The following GCSH variants were observed in gnomAD, a reference collection of about 807,000 sequenced individuals.
GCSH encodes glycine cleavage system protein H.
A neutral mutation model predicts 21.3 loss-of-function variants in GCSH; 15 were observed. The ratio of observed to expected loss-of-function variants is 0.70; its 90% confidence interval spans 0.47 to 1.08. The LOEUF (loss-of-function observed/expected upper bound fraction) is 1.08. Ranked by LOEUF, GCSH falls within the 50% of genes least tolerant of loss-of-function variation. The probability of loss-of-function intolerance (pLI) is 0.00; values close to 1 mark genes in which losing one functional copy is unlikely to be tolerated. For missense variants in GCSH, 179 were observed against 217.5 expected, an observed-to-expected ratio of 0.82 and a Z score of 1.11; for synonymous variants, 59 against 84.5, an observed-to-expected ratio of 0.70 and a Z score of 1.66.
intron 1 of GCSH, among the ~76,000 whole-genome samples, chr16:81,094,009 C>A (rs529176077): frequency 6.6e-6 from 1 of 151,966 alleles, no homozygotes; most frequent in African/African-American, 2.4e-5. Flanking sequence ...TCAAGTGATT[C>A]GGCCTCATCC....
At chr16:81,091,092 T>C (rs1217869675) in intron 1 of GCSH, 1 of 455,174 alleles carries the variant, frequency 2.2e-6, no homozygotes, top group Non-Finnish European at 4.4e-6. Context: ...ATGGCTCATA[T>C]AAGAAATGAT....
At chr16:81,094,916 A>T (rs2151774837) in intron 1 of GCSH, among the ~76,000 whole-genome samples, 1 of 152,110 alleles carries the variant, frequency 6.6e-6, no homozygotes. Flanking sequence ...AACGTGGCGA[A>T]ACCCTGTCTC....
At chr16:81,087,773 A>C in intron 2 of GCSH, 109 bp from the exon 3 acceptor site, 1 of 774,772 alleles carries the variant, frequency 1.3e-6, no homozygotes, top group Non-Finnish European at 2.2e-6. Flanking sequence ...TTTAGTATAT[A>C]TTTTATACTG....
chr16:81,091,401 C>T (rs947133752), intron 1 of GCSH: 1 of 231,582 alleles, frequency 4.3e-6, no homozygotes, highest in South Asian at 5.0e-5. Flanking sequence ...ACTCACTGGA[C>T]AGGTTCAGCC....
intron 1 of GCSH, chr16:81,091,331 A>T (rs1597168928): frequency 3.0e-6 from 1 of 335,312 alleles, no homozygotes; most frequent in African/African-American, 2.2e-5. Flanking sequence ...TTAAGATCAC[A>T]ACTCAACAGT....
At chr16:81,083,073 A>C (rs1280527794) in intron 4 of GCSH, 110 bp from the exon 5 acceptor site, 4 of 776,072 alleles carry the variant, frequency 5.2e-6, no homozygotes, top group African/African-American at 5.1e-5. Flanking sequence ...CTTTACAAAA[A>C]CCATACATTA....
Position 81,082,557 on chromosome 16 carries a change from A to C in GCSH, c.*309T>G, listed in dbSNP as rs2151765532. On this transcript the variant is annotated 3_prime_UTR_variant, in exon 5 of 5. Coordinates refer to ENST00000315467, the MANE Select transcript of GCSH (RefSeq NM_004483.5). ...GTTACAATATTATATAAGGCTTAAG[A>C]ATAACAATGTTATCTTTGAATTATG... The C allele has an allele frequency of 2.9e-6, 1 of 341,504 alleles. No homozygotes were observed. Among genetic ancestry groups the C allele is most frequent in the East Asian group, 7.4e-5 (1 of 13,446 alleles). The allele number at this position is 341,504 out of a possible 1,614,324, so 21.2% of individuals were successfully genotyped here. A position where few individuals can be genotyped will look rare whatever the true frequency, so the allele number is the denominator to read the frequency against.
At position 81,082,762 on chromosome 16, in the gene GCSH, G is replaced by A. The variant is rs556259799; in HGVS notation, c.*104C>T. On this transcript the variant is annotated 3_prime_UTR_variant, in exon 5 of 5. Coordinates refer to ENST00000315467, the MANE Select transcript of GCSH (RefSeq NM_004483.5). Reference sequence around the variant, plus strand: ...TAACAGTAGTTTTTTTTTCCCCATCGGTAATACTAAAAGTTTCTATTCTAA... The same window carrying A: ...TAACAGTAGTTTTTTTTTCCCCATCAGTAATACTAAAAGTTTCTATTCTAA... The A allele has an allele frequency of 1.7e-4, 110 of 658,862 alleles. 1 individual carries two copies. The highest frequency in any genetic ancestry group is 1.6e-3 in the African/African-American group (77 of 48,692). 40.8% of individuals were successfully genotyped at this position (658,862 alleles called of 1,614,324 possible). A position where few individuals can be genotyped will look rare whatever the true frequency, so the allele number is the denominator to read the frequency against.
At chr16:81,093,872 C>T (rs1455436794) in intron 1 of GCSH, among the ~76,000 whole-genome samples, 3 of 151,976 alleles carry the variant, frequency 2.0e-5, no homozygotes, top group Non-Finnish European at 2.9e-5. Flanking sequence ...ACCCTTGGCC[C>T]GACAGGAAGA....
intron 3 of GCSH, among the ~76,000 whole-genome samples, chr16:81,086,379 G>A (rs8177929): frequency 0.037 from 5,669 of 151,858 alleles, 281 homozygotes; most frequent in African/African-American, 0.12. Context: ...CCAAAACCTC[G>A]AAATAAATAA....
chr16:81,096,026 C>G (rs905200856), intron 1 of GCSH, 105 bp downstream of exon 1: 67 of 983,812 alleles, frequency 6.8e-5, no homozygotes, highest in Non-Finnish European at 8.3e-5. Flanking sequence ...CGCTCCGCCC[C>G]GGTGGCTCAG....
rs1177613568 is a variant in GCSH at position 81,081,991 on chromosome 16, C to G, written c.*875G>C. ...TCCTTGTCCACTTTTATTCCCATGA[C>G]TTAAGTGGAAACCTGAACGTGGTTT... On this transcript the variant is annotated 3_prime_UTR_variant, in exon 5 of 5. Transcript: ENST00000315467. The G allele has an allele frequency of 4.4e-6, 2 of 453,218 alleles. No homozygotes were observed. The highest frequency in any genetic ancestry group is 4.0e-5 in the African/African-American group (2 of 49,940). 28.1% of individuals were successfully genotyped at this position (453,218 alleles called of 1,614,324 possible).
intron 3 of GCSH, among the ~76,000 whole-genome samples, chr16:81,087,275 C>T (rs1224797996): frequency 1.3e-5 from 2 of 152,086 alleles, no homozygotes; most frequent in Non-Finnish European, 2.9e-5. Flanking sequence ...CTTGTAATCT[C>T]AGCATTTTGG....
intron 1 of GCSH, 143 bp downstream of exon 1, chr16:81,095,988 G>T: frequency 3.0e-6 from 2 of 663,028 alleles, no homozygotes; most frequent in Non-Finnish European, 4.2e-6. Context: ...GATCCCAACA[G>T]AAATAAGAAG....
At chr16:81,093,319 T>C (rs902138521) in intron 1 of GCSH, among the ~76,000 whole-genome samples, 3 of 152,158 alleles carry the variant, frequency 2.0e-5, no homozygotes, top group Admixed American at 6.6e-5. Context: ...TGGACAACTA[T>C]AAACACCACC....
chr16:81,094,681 A>C (rs1324220751), intron 1 of GCSH, among the ~76,000 whole-genome samples: 2 of 152,142 alleles, frequency 1.3e-5, no homozygotes, highest in Admixed American at 6.6e-5. Context: ...TTTTGGAATA[A>C]ATTTATCAAC....
intron 2 of GCSH, among the ~76,000 whole-genome samples, chr16:81,089,600 C>T (rs563628251): frequency 6.6e-6 from 1 of 152,236 alleles, no homozygotes; most frequent in Admixed American, 6.6e-5. Context: ...AGGACGCAAT[C>T]CCCGAGGAGG....
At chr16:81,084,711 CTTTT>C (rs35385687) in intron 3 of GCSH, 117 bp from the exon 4 acceptor site, 729 of 568,528 alleles carry the variant, frequency 1.3e-3, no homozygotes, top group East Asian at 1.7e-3. Flanking sequence ...TTCCAAATTT[CTTTT>C]TTTTTTTTTT....
intron 3 of GCSH, among the ~76,000 whole-genome samples, chr16:81,086,630 G>A (rs2151768398): frequency 1.3e-5 from 2 of 151,012 alleles, no homozygotes; most frequent in South Asian, 2.1e-4. Flanking sequence ...GACCCTATAG[G>A]ACAATATCAA....
Sources: gnomAD v4.1 joint callset for allele counts (sites outside exome capture counted in the v4.1 genomes callset) on GRCh38, gnomAD v4.1.1 for gene constraint, MANE v1.5 for transcripts, NCBI Gene and HGNC (gene_info 2026-07-23, HGNC 2026-07-21) for gene names.